The following AK9 variants were observed in gnomAD, a reference collection of about 807,000 sequenced individuals.
AK9 encodes adenylate kinase domain containing 1.
A neutral mutation model predicts 239.6 loss-of-function variants in AK9; 191 were observed. That is an observed-to-expected ratio of 0.80 (90% CI 0.71 to 0.90). The LOEUF (loss-of-function observed/expected upper bound fraction) is 0.90, where lower values mean the gene tolerates loss of function less well. Among genes scored for constraint, AK9 ranks in the 40% least tolerant of loss-of-function variants. The pLI is 0.00. For missense variants in AK9, 1,995 were observed against 2,214.7 expected (o/e 0.90, Z 1.99); for synonymous variants, 689 against 721.0 (o/e 0.96, Z 0.71).
chr6:109,519,925 T>A (rs1479613883), intron 29 of AK9, among the ~76,000 whole-genome samples: 1 of 152,206 alleles, frequency 6.6e-6, no homozygotes, highest in Non-Finnish European at 1.5e-5. Context: ...TGTTCACACC[T>A]TTTGCCCACT....
In AK9 at chr6:109,573,446, T is replaced by C; in HGVS notation, c.2340A>G (p.Glu780=). ...EASEVPETEP[E]AVSEPIEETT... is the part of the protein sequence containing the mutation. ...TTGCTATCAATAAAGTCTAACCTGC[T>C]TCAGGCTCAGTTTCAGGGACCTCAG... The change falls in exon 21 of 41, where the codon GAA becomes GAG. Residue 780 remains glutamate (E), a synonymous_variant. Coordinates refer to ENST00000424296, the MANE Select transcript of AK9 (RefSeq NM_001145128.3). 1 of 1,546,922 alleles carries C rather than the reference T, an allele frequency of 6.5e-7. No individual in the cohort carries two copies. The highest frequency in any genetic ancestry group is 8.7e-7 in the Non-Finnish European group (1 of 1,145,500).
chr6:109,520,594 G>A lies in AK9; in HGVS notation c.3634-3952C>T, dbSNP rs1315058354. On this transcript the variant is annotated intron_variant, in intron 29 of 40. Coordinates refer to ENST00000424296, the MANE Select transcript of AK9 (RefSeq NM_001145128.3). ...CTTGGGATTGTTTTGGCTATTTGGG[G>A]CTTCTGTTTTGGTTCCATATGAATT... Among the ~76,000 whole-genome samples the A allele has an allele frequency of 2.0e-5, 3 of 152,134 alleles. No homozygotes were observed. The East Asian group carries it at 5.8e-4, about 29-fold the overall frequency.
In AK9 at chr6:109,578,664, G is replaced by C. The variant is rs560734518; in HGVS notation, c.2191+886C>G. ...CTATTTGTGTTCTTTCAGGCTTTTT[G>C]ATGTAAGCATTTAATACTATGAACT... On this transcript the variant is annotated intron_variant, in intron 20 of 40. Coordinates refer to ENST00000424296, the MANE Select transcript of AK9 (RefSeq NM_001145128.3). Among the ~76,000 whole-genome samples the C allele has an allele frequency of 8.5e-5, 13 of 152,152 alleles. 1 individual carries two copies. Among genetic ancestry groups the C allele is most frequent in the Middle Eastern group, 6.8e-3 (2 of 294 alleles).
chr6:109,512,531 A>G (rs1051094270), intron 32 of AK9, among the ~76,000 whole-genome samples: 2 of 152,190 alleles, frequency 1.3e-5, no homozygotes, highest in Non-Finnish European at 2.9e-5. Flanking sequence ...TGTAACAATT[A>G]TAGACTCTTT....
chr6:109,630,372 G>A (rs895515028), intron 12 of AK9, among the ~76,000 whole-genome samples: 1 of 152,164 alleles, frequency 6.6e-6, no homozygotes, highest in Non-Finnish European at 1.5e-5. Flanking sequence ...TGCTATCCTA[G>A]TTAAAATCTC....
chr6:109,549,093 C>T (rs748935222), intron 25 of AK9, among the ~76,000 whole-genome samples: 22 of 152,164 alleles, frequency 1.4e-4, no homozygotes, highest in Non-Finnish European at 2.8e-4. Flanking sequence ...AGGGAAGATT[C>T]ACCAAAGTGT....
At chr6:109,645,768 T>C (rs994338695) in intron 8 of AK9, among the ~76,000 whole-genome samples, 27 of 152,348 alleles carry the variant, frequency 1.8e-4, no homozygotes, top group South Asian at 6.2e-4. Flanking sequence ...AGTGGGTCTC[T>C]GACCCTTGAG....
intron 29 of AK9, chr6:109,528,309 A>C (rs367599075): frequency 5.7e-6 from 2 of 353,730 alleles, no homozygotes; most frequent in African/African-American, 2.1e-5. Context: ...CTTTCAGAAC[A>C]TGTTTGATGA....
chr6:109,655,994 T>G (rs1339781603), intron 8 of AK9, among the ~76,000 whole-genome samples: 1 of 152,222 alleles, frequency 6.6e-6, no homozygotes, highest in African/African-American at 2.4e-5. Context: ...ATATAAACAC[T>G]GTGAGACAGC....
chr6:109,507,615 C>T (rs1349335210), intron 33 of AK9, among the ~76,000 whole-genome samples: 1 of 152,116 alleles, frequency 6.6e-6, no homozygotes. Flanking sequence ...GGCCCCCAAG[C>T]TCAGGAAACT....
intron 38 of AK9, among the ~76,000 whole-genome samples, chr6:109,497,214 T>G (rs73520966): frequency 6.6e-6 from 1 of 151,894 alleles, no homozygotes; most frequent in Admixed American, 6.6e-5. Context: ...CTACACTCTC[T>G]CAGAAGTCCA....
chr6:109,550,275 T>G lies in AK9; in HGVS notation c.2779A>C (p.Arg927=). 6.2e-7 allele frequency: 1 copy of G among 1,611,746 alleles called. No homozygotes were observed. The highest frequency in any genetic ancestry group is 1.1e-5 in the South Asian group (1 of 91,076). Reference sequence around the variant, plus strand: ...AAGTGTTTTGTGTCTCCCAAATGCCTCTTTCTCTCCTTCATTTTATCTTCA... The same window carrying G: ...AAGTGTTTTGTGTCTCCCAAATGCCGCTTTCTCTCCTTCATTTTATCTTCA... ...EGEDKMKERK[R]HLGDTKHFCP... is the part of the protein sequence containing the mutation. Residue 927 remains arginine (R), a synonymous_variant, in exon 25 of 41, where the codon AGG becomes CGG. Coordinates refer to ENST00000424296, the MANE Select transcript of AK9 (RefSeq NM_001145128.3).
At chr6:109,499,928 C>G (rs576670187) in intron 35 of AK9, among the ~76,000 whole-genome samples, 3 of 152,104 alleles carry the variant, frequency 2.0e-5, no homozygotes, top group African/African-American at 7.2e-5. Flanking sequence ...TTAATCGATG[C>G]ATAGTATTCC....
intron 1 of AK9, among the ~76,000 whole-genome samples, chr6:109,680,122 T>C (rs190524764): frequency 1.5e-4 from 23 of 152,212 alleles, no homozygotes; most frequent in South Asian, 2.1e-4. Flanking sequence ...CTGACAGAAG[T>C]AGGTTTCAGA....
intron 13 of AK9, among the ~76,000 whole-genome samples, chr6:109,615,827 C>T (rs750805666): frequency 2.6e-5 from 4 of 152,078 alleles, no homozygotes; most frequent in Admixed American, 6.5e-5. Flanking sequence ...AAAAAAGAAA[C>T]GATAGCAAAC....
Position 109,603,743 on chromosome 6 carries a change from T to A in AK9, c.1842+6622A>T, listed in dbSNP as rs1792424909. Among the ~76,000 whole-genome samples the A allele has an allele frequency of 2.6e-5, 4 of 152,254 alleles. No homozygotes were observed. In the South Asian group the frequency reaches 6.2e-4, roughly 24 times the overall value. ...ACCCAGTTCGAGCTTCCTGGTTGCT[T>A]TGTTTACCTACTCAAGCCTCAGCGA... On this transcript the variant is annotated intron_variant, in intron 17 of 40. Coordinates refer to ENST00000424296, the MANE Select transcript of AK9 (RefSeq NM_001145128.3).
At chr6:109,676,974 C>A (rs1267222585) in intron 1 of AK9, among the ~76,000 whole-genome samples, 1 of 152,102 alleles carries the variant, frequency 6.6e-6, no homozygotes, top group Non-Finnish European at 1.5e-5. Flanking sequence ...TTATCCTAAG[C>A]AAACTAATGC....
intron 12 of AK9, among the ~76,000 whole-genome samples, chr6:109,622,961 G>A (rs141957611): frequency 1.3e-5 from 2 of 152,158 alleles, no homozygotes; most frequent in African/African-American, 2.4e-5. Flanking sequence ...GGTACACATC[G>A]AAATTAGGTG....
At chr6:109,619,321 T>A in intron 12 of AK9, 85 bp from the exon 13 acceptor site, 1 of 1,311,444 alleles carries the variant, frequency 7.6e-7, no homozygotes. Flanking sequence ...TGTATATCTA[T>A]CTATATTTCT....
Sources: allele counts gnomAD v4.1 joint callset (sites outside exome capture counted in the v4.1 genomes callset), GRCh38; gene constraint gnomAD v4.1.1; transcripts MANE v1.5; gene names NCBI Gene and HGNC (gene_info 2026-07-23, HGNC 2026-07-21).